LSM6: variants seen among roughly 807,000 people sequenced by gnomAD.
LSM6 encodes LSM6 homolog, U6 small nuclear RNA and mRNA degradation associated.
In LSM6, 2 loss-of-function variants were observed where a neutral mutation model predicts 13.5. The ratio of observed to expected loss-of-function variants is 0.15; its 90% CI spans 0.06 to 0.47. LSM6 has a LOEUF of 0.47. LSM6 is among the 20% of genes least tolerant of loss of function. The probability of loss-of-function intolerance (pLI) is 0.97; values close to 1 mark genes in which losing one functional copy is unlikely to be tolerated. For synonymous variants in LSM6, 43 were observed against 34.9 expected (o/e 1.23, Z -0.82); for missense variants, 58 against 96.4 (o/e 0.60, Z 1.67).
Position 146,178,746 on chromosome 4 carries a change from T to A in LSM6, c.-11+2935T>A, listed in dbSNP as rs554316222. Among the ~76,000 whole-genome samples the A allele has an allele frequency of 2.0e-5, 3 of 152,352 alleles. No individual in the cohort carries two copies. In the South Asian group the frequency reaches 6.2e-4, roughly 32 times the overall value. On this transcript the variant is annotated intron_variant, in intron 1 of 3. Coordinates refer to ENST00000296581, the MANE Select transcript of LSM6 (RefSeq NM_007080.3). ...CCATTGTATTTCTCTGAGGCTAATT[T>A]ACAGCACTTTGTCACGTTAGGTATT...
intron 1 of LSM6, among the ~76,000 whole-genome samples, chr4:146,177,880 C>G (rs1730145423): frequency 6.6e-6 from 1 of 152,112 alleles, no homozygotes; most frequent in South Asian, 2.1e-4. Context: ...GGGGGTACTG[C>G]CCCTAGATGA....
chr4:146,182,121 T>C (rs548640864), intron 1 of LSM6, among the ~76,000 whole-genome samples: 1 of 152,314 alleles, frequency 6.6e-6, no homozygotes, highest in South Asian at 2.1e-4. Flanking sequence ...ACTTTCTAGC[T>C]GTGTGACCTT....
In LSM6 at chr4:146,190,680, T is replaced by A. The variant is rs1730451377; in HGVS notation, c.*1024T>A. 1 of 152,288 alleles carries A rather than the reference T, an allele frequency of 6.6e-6. No individual in the cohort carries two copies. The highest frequency in any genetic ancestry group is 1.5e-5 in the Non-Finnish European group (1 of 68,062). The allele number at this position is 152,288 out of a possible 1,614,324, so 9.4% of individuals were successfully genotyped here. A position where few individuals can be genotyped will look rare whatever the true frequency, so the allele number is the denominator to read the frequency against. ...TCCTGCTGAGAGGATTTTCACAATTTATTAATGAGCTTTCCACAACCCTGC... is the reference window on the plus strand; with the variant it reads ...TCCTGCTGAGAGGATTTTCACAATTAATTAATGAGCTTTCCACAACCCTGC... On this transcript the variant is annotated 3_prime_UTR_variant, in exon 4 of 4. Transcript: ENST00000296581.
intron 1 of LSM6, among the ~76,000 whole-genome samples, chr4:146,180,127 C>G (rs906472756): frequency 2.0e-5 from 3 of 152,236 alleles, no homozygotes; most frequent in Non-Finnish European, 2.9e-5. Flanking sequence ...AAATTCAGCT[C>G]AGGTGTTAAC....
chr4:146,186,855 C>T (rs183944274), intron 2 of LSM6, among the ~76,000 whole-genome samples: 3 of 152,304 alleles, frequency 2.0e-5, no homozygotes, highest in Non-Finnish European at 2.9e-5. Flanking sequence ...CTGCCAGACC[C>T]GTATTTCACT....
intron 3 of LSM6, chr4:146,187,624 C>T: frequency 2.6e-6 from 1 of 383,228 alleles, no homozygotes; most frequent in Non-Finnish European, 4.8e-6. Context: ...GGACATTGTT[C>T]TCCTTACCTG....
chr4:146,187,410 T>A, intron 3 of LSM6, 23 bp downstream of exon 3: 4 of 1,404,296 alleles, frequency 2.8e-6, no homozygotes, highest in Non-Finnish European at 4.0e-6. Context: ...CGCCCTACAG[T>A]ACAGCATTCA....
At chr4:146,176,018 C>A (rs3733458) in intron 1 of LSM6, 44,648 of 152,410 alleles carry the variant, frequency 0.29, 6,913 homozygotes, top group Middle Eastern at 0.37. Flanking sequence ...CGTCCAAGCT[C>A]TCCGCGCATG....
chr4:146,187,218 A>T (rs1319604813), intron 2 of LSM6, 56 bp from the exon 3 acceptor site: 1 of 929,392 alleles, frequency 1.1e-6, no homozygotes, highest in African/African-American at 1.6e-5. Flanking sequence ...TATACCCTGT[A>T]ATTTTCAACT....
At chr4:146,188,556 T>C (rs1730397642) in intron 3 of LSM6, among the ~76,000 whole-genome samples, 1 of 152,228 alleles carries the variant, frequency 6.6e-6, no homozygotes, top group African/African-American at 2.4e-5. Flanking sequence ...TCATCTGTGC[T>C]ATGTTCTTTG....
chr4:146,182,789 C>A lies in LSM6; in HGVS notation c.-10-123C>A, dbSNP rs914584843. ...CATGTAGTAGCAGTGGAGTAATACG[C>A]GTCTTCTCGCATGGTCCTTTGATAC... On this transcript the variant is annotated intron_variant, in intron 1 of 3. Transcript: ENST00000296581. 6 of 615,634 alleles carry A rather than the reference C, an allele frequency of 9.7e-6. No individual in the cohort carries two copies. In the East Asian group the frequency reaches 1.5e-4, roughly 15 times the overall value. The allele number at this position is 615,634 out of a possible 1,614,324, so 38.1% of individuals were successfully genotyped here. A position where few individuals can be genotyped will look rare whatever the true frequency, so the allele number is the denominator to read the frequency against.
intron 3 of LSM6, among the ~76,000 whole-genome samples, chr4:146,189,282 C>T (rs933273262): frequency 3.3e-5 from 5 of 152,142 alleles, no homozygotes; most frequent in South Asian, 2.1e-4. Flanking sequence ...CGTGAGCCAC[C>T]GTGTTCAGCC....
chr4:146,182,814 C>A, intron 1 of LSM6, 98 bp from the exon 2 acceptor site: 1 of 727,944 alleles, frequency 1.4e-6, no homozygotes, highest in Non-Finnish European at 2.5e-6. Context: ...TCCTTTGATA[C>A]TTCATTTTCT....
chr4:146,189,562 C>A, intron 3 of LSM6, 60 bp from the exon 4 acceptor site: 1 of 1,069,970 alleles, frequency 9.3e-7, no homozygotes, highest in Non-Finnish European at 1.4e-6. Context: ...AAACTTGCTA[C>A]TATGTATACT....
intron 2 of LSM6, among the ~76,000 whole-genome samples, chr4:146,186,696 C>T (rs796544249): frequency 5.3e-5 from 8 of 152,342 alleles, no homozygotes; most frequent in African/African-American, 1.9e-4. Flanking sequence ...TCTCAAGCTG[C>T]TCTTCACTGT....
chr4:146,180,999 T>G (rs1421909773), intron 1 of LSM6: 1 of 152,234 alleles, frequency 6.6e-6, no homozygotes, highest in Non-Finnish European at 1.5e-5. Context: ...ACAGTGTAAA[T>G]AAAATTACTG....
At chr4:146,189,143 C>T (rs1319505789) in intron 3 of LSM6, among the ~76,000 whole-genome samples, 2 of 152,190 alleles carry the variant, frequency 1.3e-5, no homozygotes, top group East Asian at 3.9e-4. Flanking sequence ...GTGCATATAC[C>T]ACCATGCCTG....
intron 3 of LSM6, 63 bp from the exon 4 acceptor site, chr4:146,189,559 C>A: frequency 9.7e-7 from 1 of 1,034,298 alleles, no homozygotes; most frequent in East Asian, 2.5e-5. Context: ...TTTAAACTTG[C>A]TACTATGTAT....
chr4:146,183,674 G>T (rs938357112), intron 2 of LSM6: 2 of 152,126 alleles, frequency 1.3e-5, no homozygotes, highest in African/African-American at 4.8e-5. Flanking sequence ...GCAGAGGGAC[G>T]TGGTCTCTTG....
Sources: allele counts gnomAD v4.1 joint callset (sites outside exome capture counted in the v4.1 genomes callset), GRCh38; gene constraint gnomAD v4.1.1; transcripts MANE v1.5; gene names NCBI Gene and HGNC (gene_info 2026-07-23, HGNC 2026-07-21).